SNTG1: variants seen among roughly 807,000 people sequenced by gnomAD.
SNTG1 encodes syntrophin gamma 1, also known as gamma-1-syntrophin.
Under a neutral mutation model 74.7 loss-of-function variants are expected in SNTG1, and 39 were observed. The ratio of observed to expected loss-of-function variants is 0.52; its 90% CI spans 0.40 to 0.68. The LOEUF is 0.68. SNTG1 is among the 30% of genes least tolerant of loss of function. The pLI is 0.00. For synonymous variants in SNTG1, 254 were observed against 217.1 expected, an observed-to-expected ratio of 1.17 and a Z score of -1.49; for missense variants, 685 against 609.5, an observed-to-expected ratio of 1.12 and a Z score of -1.30.
chr8:50,150,118 A>C (rs532679280), intron 1 of SNTG1, among the ~76,000 whole-genome samples: 13 of 152,190 alleles, frequency 8.5e-5, no homozygotes, highest in African/African-American at 2.6e-4. Flanking sequence ...CATCCCTTGT[A>C]AGTTGGATTC....
At chr8:50,369,678 C>T (rs527955491) in intron 2 of SNTG1, among the ~76,000 whole-genome samples, 1 of 151,880 alleles carries the variant, frequency 6.6e-6, no homozygotes, top group South Asian at 2.1e-4. Context: ...CAGAAGGTTG[C>T]TGTCTGCAAG....
At chr8:50,318,748 A>G (rs946949839) in intron 2 of SNTG1, among the ~76,000 whole-genome samples, 1 of 152,184 alleles carries the variant, frequency 6.6e-6, no homozygotes, top group Non-Finnish European at 1.5e-5. Context: ...AAAGTGTTGA[A>G]ATACACATTC....
intron 8 of SNTG1, among the ~76,000 whole-genome samples, chr8:50,489,383 C>G (rs568394294): frequency 2.6e-5 from 4 of 152,166 alleles, no homozygotes; most frequent in Non-Finnish European, 1.5e-5. Flanking sequence ...GTAATTTACA[C>G]TCCCACCAAC....
chr8:49,981,904 G>T (rs949426836), intron 1 of SNTG1, among the ~76,000 whole-genome samples: 4 of 152,014 alleles, frequency 2.6e-5, no homozygotes, highest in Admixed American at 2.6e-4. Context: ...AAAGTTAAAT[G>T]ATGTCTTTAG....
At chr8:50,268,870 GCTGGCCTCAAACTC>G (rs1243484172) in intron 2 of SNTG1, among the ~76,000 whole-genome samples, 1 of 151,912 alleles carries the variant, frequency 6.6e-6, no homozygotes, top group Non-Finnish European at 1.5e-5. Flanking sequence ...TGTCACCCTG[GCTGGCCTCAAACTC>G]CTGGCCTCAA....
chr8:50,502,651 TA>T (rs1224918084), intron 8 of SNTG1, 126 bp from the exon 9 acceptor site: 2 of 688,146 alleles, frequency 2.9e-6, no homozygotes, highest in Non-Finnish European at 2.4e-6. Flanking sequence ...CTCTATCTTT[TA>T]TAAAATGTTT....
At chr8:50,161,418 A>G (rs558975874) in intron 1 of SNTG1, among the ~76,000 whole-genome samples, 2 of 152,350 alleles carry the variant, frequency 1.3e-5, no homozygotes, top group East Asian at 3.9e-4. Context: ...GAAGAAATCA[A>G]ATACGAAGTT....
At chr8:50,370,254 A>G (rs1386612754) in intron 2 of SNTG1, among the ~76,000 whole-genome samples, 1 of 152,196 alleles carries the variant, frequency 6.6e-6, no homozygotes, top group Non-Finnish European at 1.5e-5. Context: ...TCCTGTAGCC[A>G]TAAGGCTGAG....
At chr8:50,706,736 A>T (rs988430792) in intron 16 of SNTG1, among the ~76,000 whole-genome samples, 5 of 152,064 alleles carry the variant, frequency 3.3e-5, no homozygotes, top group Admixed American at 6.6e-5. Flanking sequence ...ATCAATGAAC[A>T]CCTTTGTAGT....
intron 13 of SNTG1, among the ~76,000 whole-genome samples, chr8:50,613,843 C>T (rs1318353694): frequency 1.3e-5 from 2 of 152,060 alleles, no homozygotes; most frequent in South Asian, 2.1e-4. Context: ...TGTACAATCA[C>T]TCCATAGATT....
chr8:50,467,615 G>T (rs1354675681), intron 8 of SNTG1, among the ~76,000 whole-genome samples: 1 of 151,300 alleles, frequency 6.6e-6, no homozygotes, highest in Non-Finnish European at 1.5e-5. Flanking sequence ...TTTCCCTGTT[G>T]TTTTTTGTGT....
intron 13 of SNTG1, among the ~76,000 whole-genome samples, chr8:50,640,359 A>G (rs1353876768): frequency 6.6e-6 from 1 of 152,154 alleles, no homozygotes; most frequent in Non-Finnish European, 1.5e-5. Context: ...TAGCTTGTTA[A>G]TCTACATTCT....
intron 13 of SNTG1, among the ~76,000 whole-genome samples, chr8:50,623,298 T>C (rs2094935475): frequency 6.6e-6 from 1 of 152,176 alleles, no homozygotes; most frequent in Non-Finnish European, 1.5e-5. Context: ...TGATGGTAGC[T>C]GTGGGGTTGT....
At chr8:50,104,767 T>C (rs2080298477) in intron 1 of SNTG1, among the ~76,000 whole-genome samples, 1 of 152,232 alleles carries the variant, frequency 6.6e-6, no homozygotes, top group South Asian at 2.1e-4. Context: ...GTTGTGTCTT[T>C]GTTCTTGTTG....
chr8:50,314,618 A>T (rs1587085490), intron 2 of SNTG1, among the ~76,000 whole-genome samples: 2 of 149,840 alleles, frequency 1.3e-5, no homozygotes, highest in Non-Finnish European at 2.9e-5. Context: ...AAAGAGTTTC[A>T]CACTTTTTGC....
chr8:50,081,777 G>A (rs1372550267), intron 1 of SNTG1, among the ~76,000 whole-genome samples: 1 of 152,070 alleles, frequency 6.6e-6, no homozygotes, highest in Admixed American at 6.6e-5. Context: ...GGGACTACAG[G>A]CTCATGCCAC....
intron 13 of SNTG1, among the ~76,000 whole-genome samples, chr8:50,655,032 C>T (rs573701516): frequency 4.0e-4 from 61 of 152,222 alleles, no homozygotes; most frequent in African/African-American, 1.1e-3. Flanking sequence ...AAAGTTGACC[C>T]GCATTTGTAT....
At chr8:50,205,506 C>G (rs943241323) in intron 2 of SNTG1, among the ~76,000 whole-genome samples, 3 of 152,112 alleles carry the variant, frequency 2.0e-5, no homozygotes, top group Admixed American at 2.0e-4. Context: ...CAAAAATTTT[C>G]TCCCATTCTG....
At chr8:50,291,049 T>C (rs1477003167) in intron 2 of SNTG1, among the ~76,000 whole-genome samples, 4 of 152,166 alleles carry the variant, frequency 2.6e-5, no homozygotes, top group Non-Finnish European at 4.4e-5. Context: ...GACCACCCTA[T>C]ACATTTATGT....
Sources: allele counts gnomAD v4.1 joint callset (sites outside exome capture counted in the v4.1 genomes callset), GRCh38; gene constraint gnomAD v4.1.1; transcripts MANE v1.5; gene names NCBI Gene and HGNC (gene_info 2026-07-23, HGNC 2026-07-21).